Variants in NWD2 observed in about 807,000 individuals in gnomAD.
NWD2 encodes NACHT and WD repeat domain-containing protein 2.
Under a neutral mutation model 132.7 loss-of-function variants are expected in NWD2, and 37 were observed. The observed-to-expected ratio is 0.28, with a 90% CI of 0.21 to 0.37. NWD2 has a LOEUF of 0.37. Ranked by LOEUF, NWD2 falls within the 10% of genes least tolerant of loss-of-function variation. NWD2 has a pLI of 1.00. For missense variants in NWD2, 1,592 were observed against 2,122.4 expected (o/e 0.75, Z 4.91); for synonymous variants, 705 against 803.0 (o/e 0.88, Z 2.06).
intron 1 of NWD2, among the ~76,000 whole-genome samples, chr4:37,246,932 G>A (rs1412077801): frequency 1.3e-5 from 2 of 152,176 alleles, no homozygotes; most frequent in Non-Finnish European, 2.9e-5. Context: ...TTAATATTGA[G>A]TTAGTACTCA....
intron 2 of NWD2, among the ~76,000 whole-genome samples, chr4:37,350,808 T>C (rs534767607): frequency 2.0e-5 from 3 of 152,204 alleles, no homozygotes; most frequent in Non-Finnish European, 4.4e-5. Context: ...GAGTATGATA[T>C]TGAATGTGGG....
chr4:37,347,364 C>T (rs1260182560), intron 2 of NWD2, among the ~76,000 whole-genome samples: 1 of 152,084 alleles, frequency 6.6e-6, no homozygotes, highest in East Asian at 1.9e-4. Flanking sequence ...TTTATATCTT[C>T]TTACCAGTTG....
intron 2 of NWD2, among the ~76,000 whole-genome samples, chr4:37,328,332 G>C (rs1051816815): frequency 6.6e-6 from 1 of 151,960 alleles, no homozygotes; most frequent in African/African-American, 2.4e-5. Flanking sequence ...TACCATGGTG[G>C]TTTGCTGCAC....
intron 1 of NWD2, among the ~76,000 whole-genome samples, chr4:37,292,663 C>A (rs1352116380): frequency 1.3e-5 from 2 of 152,068 alleles, no homozygotes; most frequent in African/African-American, 2.4e-5. Flanking sequence ...AAATTGCATT[C>A]TCTAAAGCAT....
At chr4:37,283,404 A>ATGT (rs1466088558) in intron 1 of NWD2, among the ~76,000 whole-genome samples, 6 of 152,188 alleles carry the variant, frequency 3.9e-5, no homozygotes, top group Admixed American at 3.9e-4. Context: ...ATGTCTGTAT[A>ATGT]TGTTACCTAA....
intron 3 of NWD2, among the ~76,000 whole-genome samples, chr4:37,404,809 G>A (rs999885290): frequency 1.3e-5 from 2 of 152,188 alleles, no homozygotes; most frequent in Non-Finnish European, 2.9e-5. Flanking sequence ...CGTCTTACAA[G>A]GTGGAACAGT....
chr4:37,378,398 G>A (rs1437792391), intron 3 of NWD2, among the ~76,000 whole-genome samples: 1 of 152,184 alleles, frequency 6.6e-6, no homozygotes, highest in Non-Finnish European at 1.5e-5. Flanking sequence ...AGAAACTTTT[G>A]GTTAAGAAAG....
chr4:37,315,341 A>G (rs925552809), intron 1 of NWD2, among the ~76,000 whole-genome samples: 1 of 152,022 alleles, frequency 6.6e-6, no homozygotes, highest in Non-Finnish European at 1.5e-5. Context: ...TTTTCTATTT[A>G]GTTATTTCAT....
chr4:37,295,775 C>T (rs908490090), intron 1 of NWD2, among the ~76,000 whole-genome samples: 1 of 152,206 alleles, frequency 6.6e-6, no homozygotes, highest in Non-Finnish European at 1.5e-5. Context: ...TTTTCCCTTT[C>T]AGGACAAGTC....
intron 3 of NWD2, among the ~76,000 whole-genome samples, chr4:37,360,905 C>G (rs772406640): frequency 1.3e-5 from 2 of 152,148 alleles, no homozygotes; most frequent in Non-Finnish European, 2.9e-5. Context: ...ATCCTGGACC[C>G]TGAATACAGG....
intron 1 of NWD2, among the ~76,000 whole-genome samples, chr4:37,247,032 G>C (rs1280639146): frequency 6.6e-6 from 1 of 152,162 alleles, no homozygotes; most frequent in Non-Finnish European, 1.5e-5. Flanking sequence ...ATTAACCCTA[G>C]GAAAGCAAAC....
At chr4:37,290,009 C>G (rs941950592) in intron 1 of NWD2, among the ~76,000 whole-genome samples, 1 of 152,164 alleles carries the variant, frequency 6.6e-6, no homozygotes, top group Non-Finnish European at 1.5e-5. Flanking sequence ...TATTTCGCTT[C>G]TCTTCTGGTG....
intron 1 of NWD2, among the ~76,000 whole-genome samples, chr4:37,302,376 G>T (rs1057150995): frequency 2.6e-5 from 4 of 152,018 alleles, no homozygotes; most frequent in African/African-American, 4.8e-5. Flanking sequence ...GGACTCTTGA[G>T]TTGATTCCTT....
At chr4:37,417,526 G>A (rs1560250179) in intron 3 of NWD2, among the ~76,000 whole-genome samples, 1 of 152,026 alleles carries the variant, frequency 6.6e-6, no homozygotes, top group South Asian at 2.1e-4. Context: ...AATCAGCCTG[G>A]ATTTGCAGGT....
At chr4:37,325,376 C>T (rs1719148333) in intron 1 of NWD2, among the ~76,000 whole-genome samples, 1 of 152,066 alleles carries the variant, frequency 6.6e-6, no homozygotes, top group Non-Finnish European at 1.5e-5. Context: ...AACCACTGGC[C>T]AATTGAATCT....
At chr4:37,383,511 A>T (rs1387627979) in intron 3 of NWD2, among the ~76,000 whole-genome samples, 1 of 152,168 alleles carries the variant, frequency 6.6e-6, no homozygotes, top group Non-Finnish European at 1.5e-5. Context: ...GTCTGTTCAC[A>T]TAGAATATGT....
At chr4:37,333,571 A>T (rs1485958019) in intron 2 of NWD2, among the ~76,000 whole-genome samples, 1 of 152,182 alleles carries the variant, frequency 6.6e-6, no homozygotes, top group African/African-American at 2.4e-5. Context: ...CACAAACCCA[A>T]GTCCCTTTGA....
intron 3 of NWD2, among the ~76,000 whole-genome samples, chr4:37,427,524 A>C (rs554749797): frequency 1.0e-3 from 155 of 152,356 alleles, no homozygotes; most frequent in Middle Eastern, 6.8e-3. Flanking sequence ...AGATTAAAAT[A>C]GAAGTGCTCT....
At chr4:37,361,500 A>G (rs1719981073) in intron 3 of NWD2, among the ~76,000 whole-genome samples, 1 of 152,190 alleles carries the variant, frequency 6.6e-6, no homozygotes, top group Non-Finnish European at 1.5e-5. Context: ...AATCAAGTAG[A>G]TTTGATTTCT....
Sources: gnomAD v4.1 joint callset for allele counts (sites outside exome capture counted in the v4.1 genomes callset) on GRCh38, gnomAD v4.1.1 for gene constraint, MANE v1.5 for transcripts, NCBI Gene and HGNC (gene_info 2026-07-23, HGNC 2026-07-21) for gene names.